ACAD11: variants seen among roughly 807,000 people sequenced by gnomAD.
ACAD11 encodes acyl-Coenzyme A dehydrogenase family, member 11.
A neutral mutation model predicts 102.2 loss-of-function variants in ACAD11; 83 were observed. That is an observed-to-expected ratio of 0.81 (90% CI 0.68 to 0.97). The LOEUF (loss-of-function observed/expected upper bound fraction) is 0.97, where lower values mean the gene tolerates loss of function less well. Among genes scored for constraint, ACAD11 ranks in the 50% least tolerant of loss-of-function variants. The pLI is 0.00. For missense variants in ACAD11, 901 were observed against 951.7 expected (o/e 0.95, Z 0.70); for synonymous variants, 324 against 319.8 (o/e 1.01, Z -0.14).
intron 1 of ACAD11, among the ~76,000 whole-genome samples, chr3:132,651,724 T>G (rs1940937321): frequency 1.3e-5 from 2 of 152,242 alleles, no homozygotes; most frequent in Admixed American, 6.5e-5. Context: ...GATGTGAACA[T>G]GGAGTCAAAG....
intron 17 of ACAD11, among the ~76,000 whole-genome samples, chr3:132,568,442 A>G (rs1012693268): frequency 1.4e-4 from 21 of 152,234 alleles, no homozygotes; most frequent in Non-Finnish European, 3.1e-4. Flanking sequence ...CACAGAATAG[A>G]AAACTCCACA....
intron 15 of ACAD11, among the ~76,000 whole-genome samples, chr3:132,577,578 G>A (rs894904347): frequency 5.3e-5 from 8 of 152,102 alleles, no homozygotes; most frequent in South Asian, 2.1e-4. Context: ...CTGTGTGTTC[G>A]TCTCTTGAAA....
chr3:132,574,695 A>G (rs1937480996), intron 17 of ACAD11, among the ~76,000 whole-genome samples: 1 of 152,252 alleles, frequency 6.6e-6, no homozygotes, highest in South Asian at 2.1e-4. Context: ...GCAATAATAA[A>G]GAGTGAACAT....
chr3:132,635,120 T>C lies in ACAD11; in HGVS notation c.703-3641A>G, dbSNP rs558665921. ...AAAAAATAAAGAAAAAGATTATAAA[T>C]GAATACTCAAAGTTGAAAAGGTATT... is the stretch of plus-strand genomic sequence containing the variant. On this transcript the variant is annotated intron_variant, in intron 5 of 19. Transcript: ENST00000264990. 3.5e-4 allele frequency among the ~76,000 whole-genome samples: 53 copies of C among 151,674 alleles called. No homozygotes were observed. The South Asian group carries it at 9.0e-3, about 26-fold the overall frequency.
intron 1 of ACAD11, among the ~76,000 whole-genome samples, chr3:132,645,655 T>C (rs1056489923): frequency 1.3e-5 from 2 of 152,040 alleles, no homozygotes; most frequent in Admixed American, 6.5e-5. Context: ...CTTAAGGTAA[T>C]AGGTAATAGG....
At chr3:132,571,911 T>C (rs1937392955) in intron 17 of ACAD11, among the ~76,000 whole-genome samples, 1 of 152,168 alleles carries the variant, frequency 6.6e-6, no homozygotes. Flanking sequence ...TCGAGGAACA[T>C]ACCTCAAAAT....
intron 17 of ACAD11, among the ~76,000 whole-genome samples, chr3:132,564,463 G>A (rs1937152299): frequency 6.6e-6 from 1 of 152,136 alleles, no homozygotes; most frequent in Non-Finnish European, 1.5e-5. Flanking sequence ...AACTATTCAG[G>A]TTATCTACTT....
intron 9 of ACAD11, among the ~76,000 whole-genome samples, chr3:132,622,382 G>T (rs1273274774): frequency 6.6e-6 from 1 of 152,134 alleles, no homozygotes; most frequent in Non-Finnish European, 1.5e-5. Flanking sequence ...CCTGTTTGGG[G>T]TTGTTTATTA....
chr3:132,621,716 G>A (rs945339829), intron 9 of ACAD11, among the ~76,000 whole-genome samples: 1 of 152,074 alleles, frequency 6.6e-6, no homozygotes, highest in Non-Finnish European at 1.5e-5. Context: ...CCAGCATTTT[G>A]GGAGGCCAAG....
chr3:132,575,766 C>T lies in ACAD11; in HGVS notation c.2001+6G>A. On this transcript the variant is annotated splice_donor_region_variant and intron_variant, in intron 17 of 19. Coordinates refer to ENST00000264990, the MANE Select transcript of ACAD11 (RefSeq NM_032169.5). ...ACAATAAATTCAAATAAGTAATCGT[C>T]CTCACATGTGCATACAACTTCTTCT... 1 of 1,613,880 alleles carries T rather than the reference C, an allele frequency of 6.2e-7. No individual in the cohort carries two copies. Among genetic ancestry groups the T allele is most frequent in the Non-Finnish European group, 8.5e-7 (1 of 1,179,886 alleles).
At chr3:132,574,396 G>T (rs953274830) in intron 17 of ACAD11, among the ~76,000 whole-genome samples, 1 of 152,140 alleles carries the variant, frequency 6.6e-6, no homozygotes, top group African/African-American at 2.4e-5. Flanking sequence ...CTAAAAACTT[G>T]CCTTCGCTGT....
In ACAD11 at chr3:132,582,978, C is replaced by A. The variant is rs544134157; in HGVS notation, c.1622-3420G>T. 3.3e-5 allele frequency among the ~76,000 whole-genome samples: 5 copies of A among 152,216 alleles called. No individual in the cohort carries two copies. The South Asian group carries it at 1.0e-3, about 32-fold the overall frequency. On this transcript the variant is annotated intron_variant, in intron 13 of 19. Coordinates refer to ENST00000264990, the MANE Select transcript of ACAD11 (RefSeq NM_032169.5). ...AATTTTTTAACAACATGCATTACATCGATGTTCATCAGGGATATTGGTCTA... is the reference window on the plus strand; with the variant it reads ...AATTTTTTAACAACATGCATTACATAGATGTTCATCAGGGATATTGGTCTA...
At chr3:132,637,324 A>T (rs904403814) in intron 5 of ACAD11, among the ~76,000 whole-genome samples, 2 of 152,194 alleles carry the variant, frequency 1.3e-5, no homozygotes, top group Non-Finnish European at 2.9e-5. Flanking sequence ...TGAAATTGAT[A>T]CTAAAGGTAG....
intron 13 of ACAD11, chr3:132,600,900 T>C (rs1237102981): frequency 3.7e-6 from 6 of 1,612,976 alleles, no homozygotes; most frequent in Non-Finnish European, 5.1e-6. Flanking sequence ...GCCATCTTGC[T>C]GAGCATACCC....
chr3:132,568,038 C>G (rs1038537804), intron 17 of ACAD11, among the ~76,000 whole-genome samples: 2 of 152,020 alleles, frequency 1.3e-5, no homozygotes, highest in African/African-American at 4.8e-5. Context: ...GATAAACATA[C>G]AACATGGTGA....
chr3:132,634,774 A>C (rs1469192723), intron 5 of ACAD11, among the ~76,000 whole-genome samples: 1 of 152,118 alleles, frequency 6.6e-6, no homozygotes, highest in Non-Finnish European at 1.5e-5. Context: ...ATGAAGCTGG[A>C]AACCATCATT....
At chr3:132,626,222 T>C (rs980202709) in intron 9 of ACAD11, among the ~76,000 whole-genome samples, 1 of 152,134 alleles carries the variant, frequency 6.6e-6, no homozygotes, top group African/African-American at 2.4e-5. Flanking sequence ...CCATATTGCC[T>C]CTCTACTCTC....
intron 1 of ACAD11, among the ~76,000 whole-genome samples, chr3:132,658,907 T>C (rs907932516): frequency 1.3e-5 from 2 of 152,320 alleles, no homozygotes; most frequent in Admixed American, 1.3e-4. Context: ...AGTGTTTATG[T>C]AACATATTTA....
intron 1 of ACAD11, among the ~76,000 whole-genome samples, chr3:132,653,859 T>C (rs1937639692): frequency 6.6e-6 from 1 of 152,230 alleles, no homozygotes; most frequent in Non-Finnish European, 1.5e-5. Flanking sequence ...CTCCTTTTTA[T>C]GTGAACTATT....
Sources: gnomAD v4.1 joint callset for allele counts (sites outside exome capture counted in the v4.1 genomes callset) on GRCh38, gnomAD v4.1.1 for gene constraint, MANE v1.5 for transcripts, NCBI Gene and HGNC (gene_info 2026-07-23, HGNC 2026-07-21) for gene names.